Variants in SIM1 observed in about 807,000 individuals in gnomAD.
SIM1 encodes the protein single-minded homolog 1.
A neutral mutation model predicts 78.2 loss-of-function variants in SIM1; 18 were observed. The ratio of observed to expected loss-of-function variants is 0.23; its 90% CI spans 0.16 to 0.34. The LOEUF (loss-of-function observed/expected upper bound fraction) is 0.34, where lower values mean the gene tolerates loss of function less well. SIM1 is among the 10% of genes least tolerant of loss of function. The pLI is 1.00. For missense variants in SIM1, 939 were observed against 975.1 expected, an observed-to-expected ratio of 0.96 and a Z score of 0.49; for synonymous variants, 417 against 385.2, an observed-to-expected ratio of 1.08 and a Z score of -0.97.
intron 3 of SIM1, among the ~76,000 whole-genome samples, chr6:100,451,567 A>T (rs758525266): frequency 2.0e-5 from 3 of 152,178 alleles, no homozygotes; most frequent in Non-Finnish European, 4.4e-5. Context: ...GCAGACAGTG[A>T]TCTGAGGAGG....
At chr6:100,439,222 A>T (rs1772142234) in intron 9 of SIM1, among the ~76,000 whole-genome samples, 1 of 152,214 alleles carries the variant, frequency 6.6e-6, no homozygotes, top group Non-Finnish European at 1.5e-5. Context: ...GTTTGAACCT[A>T]ATTTGAAGAG....
intron 9 of SIM1, among the ~76,000 whole-genome samples, chr6:100,423,459 C>A (rs188061861): frequency 9.7e-4 from 148 of 152,230 alleles, no homozygotes; most frequent in South Asian, 1.7e-3. Context: ...AAGAAGGTAC[C>A]AGGGCCAGTT....
chr6:100,461,385 C>T (rs1582330890), intron 2 of SIM1, among the ~76,000 whole-genome samples: 2 of 152,314 alleles, frequency 1.3e-5, no homozygotes, highest in South Asian at 4.1e-4. Flanking sequence ...AGCCGACTAG[C>T]TTCCCTGGCC....
At chr6:100,450,493 A>G (rs1459078512) in intron 3 of SIM1, 137 bp from the exon 4 acceptor site, 2 of 695,356 alleles carry the variant, frequency 2.9e-6, no homozygotes, top group African/African-American at 3.5e-5. Flanking sequence ...GAAACAGGGC[A>G]TAGAAAACTA....
chr6:100,400,253 A>G (rs1469980229), intron 10 of SIM1, among the ~76,000 whole-genome samples: 1 of 151,950 alleles, frequency 6.6e-6, no homozygotes, highest in Non-Finnish European at 1.5e-5. Context: ...AAGAAAACCA[A>G]TCAGTTAAAT....
chr6:100,456,088 G>C (rs898807498), intron 2 of SIM1, among the ~76,000 whole-genome samples: 1 of 151,802 alleles, frequency 6.6e-6, no homozygotes, highest in Non-Finnish European at 1.5e-5. Context: ...CCTTCCCGGA[G>C]GTTTGCCTTC....
chr6:100,442,521 C>T (rs570835462), intron 9 of SIM1, among the ~76,000 whole-genome samples: 7 of 152,162 alleles, frequency 4.6e-5, no homozygotes, highest in Non-Finnish European at 7.4e-5. Context: ...TACGGGTATA[C>T]ATTAGTGCAT....
chr6:100,442,091 T>A (rs539982105), intron 9 of SIM1, among the ~76,000 whole-genome samples: 10 of 152,286 alleles, frequency 6.6e-5, no homozygotes, highest in African/African-American at 2.2e-4. Context: ...ACCCAACCAC[T>A]GTGCAGAGCC....
chr6:100,390,929 T>C lies in SIM1; in HGVS notation c.1733A>G (p.Glu578Gly). The C allele has an allele frequency of 6.2e-7, 1 of 1,614,150 alleles. No individual in the cohort carries two copies. Among genetic ancestry groups the C allele is most frequent in the Non-Finnish European group, 8.5e-7 (1 of 1,180,018 alleles). ...IRATQQMIKEEENRLQLRKAP... is the reference protein window; with the variant it reads ...IRATQQMIKEGENRLQLRKAP... The stretch of plus-strand genomic sequence containing the variant: ...TTTCCTTAGCTGTAATCTGTTCTCT[T>C]CTTCTTTAATCATTTGCTGAGTGGC... The change falls in exon 12 of 12, where the codon GAA (glutamate) becomes GGA (glycine). Residue 578 changes from glutamate (E) to glycine (G), a missense_variant. Glu to Gly is a moderately conservative substitution (Grantham distance 98). Around this residue, in one of 5 missense-constraint regions of SIM1, gnomAD observed 556 missense variants for 521.9 expected, o/e 1.07. Coordinates refer to ENST00000369208, the MANE Select transcript of SIM1 (RefSeq NM_005068.3).
chr6:100,446,857 T>C (rs1026650100), intron 9 of SIM1, among the ~76,000 whole-genome samples: 1 of 152,202 alleles, frequency 6.6e-6, no homozygotes, highest in Non-Finnish European at 1.5e-5. Flanking sequence ...CTGGTTAAAA[T>C]TAAGAACTTC....
At chr6:100,398,010 A>C (rs1032406562) in intron 10 of SIM1, among the ~76,000 whole-genome samples, 1 of 152,144 alleles carries the variant, frequency 6.6e-6, no homozygotes. Flanking sequence ...AATAATGACA[A>C]CACCAATTGC....
chr6:100,390,685 A>G lies in SIM1; in HGVS notation c.1977T>C (p.Ser659=), dbSNP rs1562229576. The change falls in exon 12 of 12, where the codon AGT becomes AGC. Residue 659 remains serine, a synonymous_variant. Coordinates refer to ENST00000369208, the MANE Select transcript of SIM1 (RefSeq NM_005068.3). ...DNSPTALSRI[S]SPNSDRISKS... ...TTGAAATGCGATCCGAATTGGGACT[A>G]CTTATCCGAGATAGTGCGGTGGGAC... 2 of 1,614,136 alleles carry G rather than the reference A, an allele frequency of 1.2e-6. No individual in the cohort carries two copies. The highest frequency in any genetic ancestry group is 1.1e-5 in the South Asian group (1 of 91,078).
chr6:100,417,683 G>T (rs1218157521), intron 10 of SIM1, among the ~76,000 whole-genome samples: 1 of 152,094 alleles, frequency 6.6e-6, no homozygotes. Context: ...TGCTTTTCCA[G>T]TGTGCCCCAG....
chr6:100,444,185 A>G (rs1414978498), intron 9 of SIM1, among the ~76,000 whole-genome samples: 1 of 152,112 alleles, frequency 6.6e-6, no homozygotes, highest in Non-Finnish European at 1.5e-5. Context: ...AATTAAACTC[A>G]AGAAAATATG....
rs937004556 is a variant in SIM1 at position 100,448,625 on chromosome 6, G to A, written c.597C>T (p.Ser199=). 1 of 1,613,938 alleles carries A rather than the reference G, an allele frequency of 6.2e-7. No individual in the cohort carries two copies. The highest frequency in any genetic ancestry group is 8.5e-7 in the Non-Finnish European group (1 of 1,180,038). Residue 199 remains serine, a synonymous_variant, in exon 7 of 12, where the codon TCC becomes TCT. Transcript: ENST00000369208. ...CGTTTTGGTAGCAGCCGTCGAAGGG[G>A]GACATGTCCAGGCTGTACTGGCGGA... ...LKIRQYSLDM[S]PFDGCYQNVG...
chr6:100,453,117 G>C (rs1371843565), intron 3 of SIM1, among the ~76,000 whole-genome samples: 1 of 152,230 alleles, frequency 6.6e-6, no homozygotes, highest in Non-Finnish European at 1.5e-5. Flanking sequence ...AGTAGGCAAA[G>C]AGCAAGTTAA....
chr6:100,391,894 C>T (rs993729510), intron 11 of SIM1, among the ~76,000 whole-genome samples: 3 of 152,026 alleles, frequency 2.0e-5, no homozygotes, highest in African/African-American at 2.4e-5. Context: ...AGAATAAGGC[C>T]GGGCATGGTG....
chr6:100,412,643 AAGAAAGAAAGAAAG>A lies in SIM1; in HGVS notation c.1167+8133_1167+8146del, dbSNP rs1562239824. The stretch of plus-strand genomic sequence containing the variant: ...AAGAAGGAAAGAAAGAAAGAAAAGA[AAGAAAGAAAGAAAG>A]AGAGAGAGAGAGAGAGAAAGAAAGA... On this transcript the variant is annotated intron_variant, in intron 10 of 11. Coordinates refer to ENST00000369208, the MANE Select transcript of SIM1 (RefSeq NM_005068.3). Among the ~76,000 whole-genome samples the A allele has an allele frequency of 1.3e-3, 143 of 110,482 alleles. 8 individuals carry two copies. Among genetic ancestry groups the A allele is most frequent in the African/African-American group, 4.5e-3 (140 of 30,976 alleles). The allele number at this position is 110,482 out of a possible 152,430, so 72.5% of individuals were successfully genotyped here. A position where few individuals can be genotyped will look rare whatever the true frequency, so the allele number is the denominator to read the frequency against.
intron 9 of SIM1, chr6:100,437,126 G>C (rs547524979): frequency 6.6e-6 from 1 of 152,080 alleles, no homozygotes; most frequent in East Asian, 1.9e-4. Flanking sequence ...GCTAGGGAAC[G>C]GACAATAGAC....
Sources: gnomAD v4.1 joint callset for allele counts (sites outside exome capture counted in the v4.1 genomes callset) on GRCh38, gnomAD v4.1.1 for gene constraint, gnomAD v4.1.1 regional missense constraint, MANE v1.5 for transcripts, NCBI Gene and HGNC (gene_info 2026-07-23, HGNC 2026-07-21) for gene names.